Variants in LIN28B observed in about 807,000 individuals in gnomAD.
LIN28B encodes the protein protein lin-28 homolog B.
LIN28B carries 5 observed loss-of-function variants against 21.9 expected under a neutral mutation model. That is an observed-to-expected ratio of 0.23 (90% confidence interval 0.12 to 0.48). The LOEUF is 0.48. LIN28B is among the 20% of genes least tolerant of loss of function. The probability of loss-of-function intolerance (pLI) is 0.98; values close to 1 mark genes in which losing one functional copy is unlikely to be tolerated. For missense variants in LIN28B, 245 were observed against 310.5 expected (o/e 0.79, Z 1.58); for synonymous variants, 109 against 111.3 (o/e 0.98, Z 0.13).
intron 2 of LIN28B, among the ~76,000 whole-genome samples, chr6:104,995,210 G>A (rs1042390347): frequency 6.6e-6 from 1 of 152,192 alleles, no homozygotes; most frequent in Non-Finnish European, 1.5e-5. Context: ...TAGGAAAAGG[G>A]TAAAGGAGGC....
chr6:104,996,570 A>G (rs1451470600), intron 2 of LIN28B, among the ~76,000 whole-genome samples: 1 of 152,222 alleles, frequency 6.6e-6, no homozygotes, highest in Non-Finnish European at 1.5e-5. Flanking sequence ...GTTGTTAGGA[A>G]GTGCTCTAGT....
intron 3 of LIN28B, among the ~76,000 whole-genome samples, chr6:105,072,594 C>T (rs773944385): frequency 6.6e-6 from 1 of 152,004 alleles, no homozygotes; most frequent in Non-Finnish European, 1.5e-5. Flanking sequence ...TTTAAAAGAA[C>T]ATAAATCATC....
chr6:104,967,450 A>G (rs1430830609), intron 2 of LIN28B, among the ~76,000 whole-genome samples: 5 of 151,612 alleles, frequency 3.3e-5, no homozygotes, highest in East Asian at 1.9e-4. Flanking sequence ...GCCTGGTGGC[A>G]CATGCTTGTA....
At chr6:104,999,736 A>G (rs1458732144) in intron 2 of LIN28B, among the ~76,000 whole-genome samples, 2 of 152,010 alleles carry the variant, frequency 1.3e-5, no homozygotes, top group Admixed American at 6.6e-5. Flanking sequence ...GCTGGAGTGC[A>G]TTGGCATGAT....
chr6:104,965,527 T>G (rs1350494287), intron 2 of LIN28B, among the ~76,000 whole-genome samples: 1 of 152,162 alleles, frequency 6.6e-6, no homozygotes, highest in Non-Finnish European at 1.5e-5. Context: ...TCTCTAAAAT[T>G]ATTATTTTTT....
chr6:105,072,070 A>G (rs1355174714), intron 3 of LIN28B, among the ~76,000 whole-genome samples: 10 of 151,588 alleles, frequency 6.6e-5, no homozygotes, highest in Admixed American at 6.6e-4. Flanking sequence ...GGAAAAGTCT[A>G]CTTCAATTCT....
At chr6:104,983,006 T>C (rs1005559696) in intron 2 of LIN28B, among the ~76,000 whole-genome samples, 2 of 152,118 alleles carry the variant, frequency 1.3e-5, no homozygotes, top group South Asian at 2.1e-4. Flanking sequence ...CAGGGTCTTA[T>C]TCTGTTTCCC....
upstream of LIN28B, among the ~76,000 whole-genome samples, chr6:104,955,954 G>A (rs528356170): frequency 1.1e-4 from 16 of 152,076 alleles, no homozygotes; most frequent in Non-Finnish European, 2.2e-4. Context: ...AAAGGTAAAG[G>A]GGGTAGGCAT....
intron 2 of LIN28B, among the ~76,000 whole-genome samples, chr6:104,976,528 G>A (rs994666602): frequency 6.6e-6 from 1 of 152,186 alleles, no homozygotes; most frequent in Non-Finnish European, 1.5e-5. Context: ...CTGTCTTTAA[G>A]AGCTTATAGT....
intron 2 of LIN28B, among the ~76,000 whole-genome samples, chr6:104,991,189 G>GC (rs1435569727): frequency 3.4e-5 from 5 of 146,982 alleles, no homozygotes; most frequent in South Asian, 2.2e-4. Context: ...AGGCGGAGAC[G>GC]CCCCCCACCT....
chr6:105,059,463 T>C (rs1772084176), intron 3 of LIN28B, among the ~76,000 whole-genome samples: 1 of 152,214 alleles, frequency 6.6e-6, no homozygotes, highest in African/African-American at 2.4e-5. Flanking sequence ...CCTTAGCATC[T>C]CTTCAAGTTT....
intron 2 of LIN28B, among the ~76,000 whole-genome samples, chr6:105,011,101 A>G (rs1372599598): frequency 6.6e-6 from 1 of 152,192 alleles, no homozygotes; most frequent in African/African-American, 2.4e-5. Context: ...AAATGTTTAT[A>G]ATATGCTAAT....
intron 2 of LIN28B, among the ~76,000 whole-genome samples, chr6:104,968,809 C>A (rs1033886986): frequency 6.6e-6 from 1 of 151,910 alleles, no homozygotes; most frequent in Middle Eastern, 3.2e-3. Flanking sequence ...TTCTTCCATT[C>A]AAATGAATTG....
At position 105,055,538 on chromosome 6, in the gene LIN28B, G is replaced by A. The variant is rs761918730; in HGVS notation, c.384-22876G>A. On this transcript the variant is annotated intron_variant, in intron 3 of 3. Transcript: ENST00000345080. Reference sequence around the variant, plus strand: ...TCAAAGCACAGCAGCAGGCTTTGTTGTCTGGCAGAGAGATAAGCAAAAATA... The same window carrying A: ...TCAAAGCACAGCAGCAGGCTTTGTTATCTGGCAGAGAGATAAGCAAAAATA... 1.1e-3 allele frequency among the ~76,000 whole-genome samples: 161 copies of A among 152,220 alleles called. 2 individuals carry two copies. The highest frequency in any genetic ancestry group is 1.6e-3 in the Non-Finnish European group (111 of 68,026).
chr6:105,021,331 A>C (rs1365072335), intron 2 of LIN28B, among the ~76,000 whole-genome samples: 1 of 152,158 alleles, frequency 6.6e-6, no homozygotes, highest in Non-Finnish European at 1.5e-5. Flanking sequence ...TGCAAAACAT[A>C]CAAGTGTGGT....
intron 3 of LIN28B, among the ~76,000 whole-genome samples, chr6:105,033,886 A>G (rs191124166): frequency 5.3e-5 from 8 of 151,794 alleles, no homozygotes; most frequent in Admixed American, 3.3e-4. Flanking sequence ...GTTGATTTCT[A>G]TTATTTATAT....
At chr6:105,037,798 A>G (rs1771555625) in intron 3 of LIN28B, among the ~76,000 whole-genome samples, 1 of 152,076 alleles carries the variant, frequency 6.6e-6, no homozygotes, top group Non-Finnish European at 1.5e-5. Context: ...GACGTGAGCT[A>G]CTGCGCCCGG....
chr6:105,023,296 T>TA lies in LIN28B; in HGVS notation c.199-3001dup, dbSNP rs1771179049. Among the ~76,000 whole-genome samples, 11 of 24,348 alleles carry TA rather than the reference T, an allele frequency of 4.5e-4. 1 individual carries two copies. In the East Asian group the frequency reaches 5.6e-3, roughly 12 times the overall value. 16.0% of individuals were successfully genotyped at this position (24,348 alleles called of 152,430 possible). A position where few individuals can be genotyped will look rare whatever the true frequency, so the allele number is the denominator to read the frequency against. On this transcript the variant is annotated intron_variant, in intron 2 of 3. Transcript: ENST00000345080. ...TTATTATATATATAAATAATATATA[T>TA]ATTTATATATAATTATATTATATAT... is the stretch of plus-strand genomic sequence containing the variant.
At chr6:105,003,508 G>A (rs1417158444) in intron 2 of LIN28B, among the ~76,000 whole-genome samples, 1 of 151,956 alleles carries the variant, frequency 6.6e-6, no homozygotes, top group East Asian at 1.9e-4. Context: ...GTGCCTTACT[G>A]ATTTTTTTTT....
Sources: gnomAD v4.1 joint callset for allele counts (sites outside exome capture counted in the v4.1 genomes callset) on GRCh38, gnomAD v4.1.1 for gene constraint, MANE v1.5 for transcripts, NCBI Gene and HGNC (gene_info 2026-07-23, HGNC 2026-07-21) for gene names.